PLCB4: variants seen among roughly 807,000 people sequenced by gnomAD.
The protein encoded by PLCB4 is phospholipase C beta 4.
Under a neutral mutation model 178.8 loss-of-function variants are expected in PLCB4, and 77 were observed. That is an observed-to-expected ratio of 0.43 (90% confidence interval 0.36 to 0.52). The LOEUF (loss-of-function observed/expected upper bound fraction) is 0.52. PLCB4 is among the 20% of genes least tolerant of loss of function. The probability of loss-of-function intolerance (pLI) is 0.00; values close to 1 mark genes in which losing one functional copy is unlikely to be tolerated. For missense variants in PLCB4, 1,024 were observed against 1,453.4 expected, an observed-to-expected ratio of 0.70 and a Z score of 4.80; for synonymous variants, 496 against 490.8, an observed-to-expected ratio of 1.01 and a Z score of -0.14.
At chr20:9,185,506 G>A (rs2093316980) in intron 2 of PLCB4, among the ~76,000 whole-genome samples, 2 of 152,000 alleles carry the variant, frequency 1.3e-5, no homozygotes, top group Admixed American at 1.3e-4. Context: ...TCTTTCACCT[G>A]GATGACTGGT....
intron 3 of PLCB4, among the ~76,000 whole-genome samples, chr20:9,306,454 C>T (rs1305337411): frequency 3.3e-5 from 5 of 152,102 alleles, no homozygotes; most frequent in Non-Finnish European, 7.4e-5. Context: ...CTCAACACTT[C>T]ATCTGAGTTT....
At chr20:9,437,993 G>A (rs1199988250) in intron 30 of PLCB4, among the ~76,000 whole-genome samples, 1 of 152,120 alleles carries the variant, frequency 6.6e-6, no homozygotes, top group Non-Finnish European at 1.5e-5. Flanking sequence ...AGGAAGTAAA[G>A]CGCTGTTTAA....
At chr20:9,322,663 A>G (rs1228806104) in intron 4 of PLCB4, among the ~76,000 whole-genome samples, 2 of 152,212 alleles carry the variant, frequency 1.3e-5, no homozygotes, top group African/African-American at 4.8e-5. Flanking sequence ...TTAACTTTGT[A>G]GACATGTGAA....
intron 2 of PLCB4, among the ~76,000 whole-genome samples, chr20:9,201,517 G>A (rs1169646254): frequency 1.3e-5 from 2 of 152,034 alleles, no homozygotes; most frequent in Non-Finnish European, 2.9e-5. Context: ...CAGATCTTCT[G>A]CATGTTATAA....
At chr20:9,333,223 G>T (rs2031957842) in intron 4 of PLCB4, among the ~76,000 whole-genome samples, 1 of 152,092 alleles carries the variant, frequency 6.6e-6, no homozygotes, top group Admixed American at 6.6e-5. Context: ...CTAGGTGCTA[G>T]AACACAAAGG....
intron 2 of PLCB4, among the ~76,000 whole-genome samples, chr20:9,175,162 T>A (rs921800835): frequency 6.6e-6 from 1 of 152,190 alleles, no homozygotes; most frequent in African/African-American, 2.4e-5. Flanking sequence ...CCAGACCTAC[T>A]GGATCAGAAG....
intron 3 of PLCB4, among the ~76,000 whole-genome samples, chr20:9,241,843 C>CT (rs567351909): frequency 2.1e-3 from 319 of 152,182 alleles, no homozygotes; most frequent in Non-Finnish European, 3.5e-3. Flanking sequence ...GTCAGCTAGG[C>CT]TTTTTTTGCT....
Position 9,419,800 on chromosome 20 carries a change from C to T in PLCB4, c.2052-7C>T, listed in dbSNP as rs185396159. The T allele has an allele frequency of 4.4e-4, 701 of 1,586,666 alleles. 8 individuals are homozygous for T. In the African/African-American group the frequency reaches 8.4e-3, roughly 19 times the overall value. On this transcript the variant is annotated splice_region_variant and splice_polypyrimidine_tract_variant and intron_variant, in intron 25 of 39. Coordinates refer to ENST00000378473, the MANE Select transcript of PLCB4 (RefSeq NM_001377142.1). ...ACTAATAAACTTCTATGCTATTGTC[C>T]TACCAGGTACCTTCTCAAACCAGAT...
At chr20:9,476,831 A>G in intron 39 of PLCB4, 78 bp downstream of exon 39, 2 of 931,994 alleles carry the variant, frequency 2.1e-6, no homozygotes, top group South Asian at 2.7e-5. Context: ...GTCTCCATTT[A>G]TGAGTCACAT....
chr20:9,191,645 C>A (rs1419315228), intron 2 of PLCB4, among the ~76,000 whole-genome samples: 1 of 152,018 alleles, frequency 6.6e-6, no homozygotes, highest in African/African-American at 2.4e-5. Flanking sequence ...CTAGTCCTAC[C>A]AGTTATATGG....
chr20:9,224,388 A>G (rs1331482750), intron 3 of PLCB4, among the ~76,000 whole-genome samples: 3 of 152,148 alleles, frequency 2.0e-5, no homozygotes, highest in Admixed American at 2.0e-4. Context: ...TAAATGGCCA[A>G]CCCTGGCCCT....
Position 9,427,705 on chromosome 20 carries a change from G to A in PLCB4, c.2524+3753G>A, listed in dbSNP as rs192019601. Among the ~76,000 whole-genome samples, 5 of 152,310 alleles carry A rather than the reference G, an allele frequency of 3.3e-5. No homozygotes were observed. In the East Asian group the frequency reaches 5.8e-4, roughly 18 times the overall value. ...GTTCCAGGGCTAATGGCAATGAAAC[G>A]AGGGTCAGTATTTCTTTTTCACCCA... On this transcript the variant is annotated intron_variant, in intron 28 of 39. Coordinates refer to ENST00000378473, the MANE Select transcript of PLCB4 (RefSeq NM_001377142.1).
chr20:9,128,486 G>A (rs545743884), intron 2 of PLCB4, among the ~76,000 whole-genome samples: 1 of 152,166 alleles, frequency 6.6e-6, no homozygotes, highest in Non-Finnish European at 1.5e-5. Flanking sequence ...GCGCAGTCTT[G>A]GCTCACTGCA....
chr20:9,193,785 T>C (rs1483107467), intron 2 of PLCB4, among the ~76,000 whole-genome samples: 1 of 152,228 alleles, frequency 6.6e-6, no homozygotes, highest in Non-Finnish European at 1.5e-5. Flanking sequence ...ATGTTTATAT[T>C]CTTGAAAACA....
At chr20:9,407,036 GT>G (rs1224608984) in intron 21 of PLCB4, among the ~76,000 whole-genome samples, 2 of 152,132 alleles carry the variant, frequency 1.3e-5, no homozygotes, top group African/African-American at 4.8e-5. Context: ...AAGTTATTAG[GT>G]TACTTTTAAG....
chr20:9,447,141 A>T (rs1355884831), intron 32 of PLCB4, among the ~76,000 whole-genome samples: 5 of 152,216 alleles, frequency 3.3e-5, no homozygotes, highest in Non-Finnish European at 5.9e-5. Flanking sequence ...CATAACAGTT[A>T]TATAAAGGAG....
chr20:9,477,987 GTTTCTA>G (rs1193195711), intron 39 of PLCB4, among the ~76,000 whole-genome samples: 1 of 151,906 alleles, frequency 6.6e-6, no homozygotes, highest in African/African-American at 2.4e-5. Context: ...ATAGGTCCAT[GTTTCTA>G]TTTTCAAATG....
intron 7 of PLCB4, among the ~76,000 whole-genome samples, chr20:9,352,750 C>T (rs1325528522): frequency 6.6e-6 from 1 of 152,310 alleles, no homozygotes; most frequent in East Asian, 1.9e-4. Context: ...CACAAATACT[C>T]ATTCACCATG....
At chr20:9,177,028 G>A (rs894318315) in intron 2 of PLCB4, among the ~76,000 whole-genome samples, 1 of 152,082 alleles carries the variant, frequency 6.6e-6, no homozygotes, top group African/African-American at 2.4e-5. Flanking sequence ...GACTGGTGGC[G>A]AAGAAAGAAA....
Sources: allele counts gnomAD v4.1 joint callset (sites outside exome capture counted in the v4.1 genomes callset), GRCh38; gene constraint gnomAD v4.1.1; transcripts MANE v1.5; gene names NCBI Gene and HGNC (gene_info 2026-07-23, HGNC 2026-07-21).